Variants in GALNTL6 observed in about 807,000 individuals in gnomAD.
The protein encoded by GALNTL6 is polypeptide N-acetylgalactosaminyltransferase-like 6.
Under a neutral mutation model 73.7 loss-of-function variants are expected in GALNTL6, and 46 were observed. The ratio of observed to expected loss-of-function variants is 0.62; its 90% CI spans 0.49 to 0.80. The LOEUF (loss-of-function observed/expected upper bound fraction) is 0.80, where lower values mean the gene tolerates loss of function less well. Ranked by LOEUF, GALNTL6 falls within the 30% of genes least tolerant of loss-of-function variation. The pLI, the probability that GALNTL6 is intolerant of heterozygous loss-of-function variation, is 0.00. For missense variants in GALNTL6, 604 were observed against 755.0 expected, an observed-to-expected ratio of 0.80 and a Z score of 2.34; for synonymous variants, 259 against 263.7, an observed-to-expected ratio of 0.98 and a Z score of 0.17.
chr4:172,595,259 A>G (rs759886306), intron 5 of GALNTL6, among the ~76,000 whole-genome samples: 33 of 152,192 alleles, frequency 2.2e-4, no homozygotes, highest in Non-Finnish European at 4.1e-4. Context: ...AAAATATTAC[A>G]AGGAGAGTGC....
intron 2 of GALNTL6, among the ~76,000 whole-genome samples, chr4:172,029,366 A>T (rs1261537557): frequency 6.6e-6 from 1 of 152,102 alleles, no homozygotes; most frequent in African/African-American, 2.4e-5. Flanking sequence ...AGGTTAAATG[A>T]AATATACAAT....
chr4:171,940,796 C>T (rs1738510433), intron 2 of GALNTL6, among the ~76,000 whole-genome samples: 2 of 147,934 alleles, frequency 1.4e-5, no homozygotes, highest in South Asian at 2.1e-4. Context: ...CCAGACTGGA[C>T]GACAGAGCAA....
chr4:172,683,408 GA>G (rs1732739577), intron 5 of GALNTL6, among the ~76,000 whole-genome samples: 2 of 152,160 alleles, frequency 1.3e-5, no homozygotes, highest in Non-Finnish European at 2.9e-5. Context: ...TTGGTCACTG[GA>G]AATATATGCA....
At chr4:171,962,086 C>G (rs1282951443) in intron 2 of GALNTL6, among the ~76,000 whole-genome samples, 4 of 152,166 alleles carry the variant, frequency 2.6e-5, no homozygotes, top group Non-Finnish European at 1.5e-5. Flanking sequence ...GAGTTCCTCT[C>G]TACTGTGAAT....
intron 8 of GALNTL6, among the ~76,000 whole-genome samples, chr4:172,904,709 A>C (rs935168916): frequency 6.6e-6 from 1 of 151,840 alleles, no homozygotes; most frequent in African/African-American, 2.4e-5. Flanking sequence ...TATTTTTCTC[A>C]TCTCCCAGGC....
intron 2 of GALNTL6, among the ~76,000 whole-genome samples, chr4:172,167,834 C>G (rs1001877987): frequency 2.5e-4 from 37 of 148,764 alleles, no homozygotes; most frequent in Admixed American, 4.0e-4. Context: ...TGGCGGGCGC[C>G]TGTAGTCCCA....
At chr4:172,108,535 G>A (rs1236467941) in intron 2 of GALNTL6, among the ~76,000 whole-genome samples, 2 of 151,996 alleles carry the variant, frequency 1.3e-5, no homozygotes, top group Non-Finnish European at 2.9e-5. Flanking sequence ...AATTTATTGG[G>A]TGAGTAAAGC....
intron 10 of GALNTL6, among the ~76,000 whole-genome samples, chr4:172,959,903 T>C (rs957923016): frequency 6.6e-6 from 1 of 152,186 alleles, no homozygotes; most frequent in Non-Finnish European, 1.5e-5. Context: ...GAAGTTCTTG[T>C]GTGCTGGAGA....
At chr4:172,499,576 A>G (rs1253453418) in intron 5 of GALNTL6, among the ~76,000 whole-genome samples, 3 of 152,258 alleles carry the variant, frequency 2.0e-5, no homozygotes, top group Non-Finnish European at 2.9e-5. Flanking sequence ...AAAGTTACTC[A>G]TCATACCATA....
chr4:172,308,773 G>C (rs192748561), intron 3 of GALNTL6, among the ~76,000 whole-genome samples: 1 of 152,110 alleles, frequency 6.6e-6, no homozygotes, highest in Non-Finnish European at 1.5e-5. Context: ...GATTTATGTC[G>C]TTTAAACATT....
chr4:172,213,155 G>A (rs972232836), intron 2 of GALNTL6, among the ~76,000 whole-genome samples: 3 of 151,392 alleles, frequency 2.0e-5, no homozygotes, highest in East Asian at 1.9e-4. Flanking sequence ...ATATTCCATT[G>A]TATAGATGTT....
At chr4:172,256,088 C>A (rs192877263) in intron 3 of GALNTL6, among the ~76,000 whole-genome samples, 107 of 151,438 alleles carry the variant, frequency 7.1e-4, no homozygotes, top group Admixed American at 1.9e-3. Flanking sequence ...ATATGTTATG[C>A]GCATTTAAAT....
intron 5 of GALNTL6, among the ~76,000 whole-genome samples, chr4:172,663,029 A>G (rs2111184053): frequency 6.6e-6 from 1 of 152,278 alleles, no homozygotes; most frequent in African/African-American, 2.4e-5. Flanking sequence ...GGAGACAAGA[A>G]AAAGCTTGGC....
At chr4:171,906,706 G>A (rs1325669499) in intron 2 of GALNTL6, among the ~76,000 whole-genome samples, 1 of 152,152 alleles carries the variant, frequency 6.6e-6, no homozygotes, top group African/African-American at 2.4e-5. Flanking sequence ...GAGAATTTTA[G>A]ACCAATATCC....
intron 2 of GALNTL6, among the ~76,000 whole-genome samples, chr4:172,093,713 C>T (rs1383180927): frequency 2.6e-5 from 4 of 152,186 alleles, no homozygotes; most frequent in African/African-American, 9.6e-5. Context: ...GTGAACTGCA[C>T]ATGCGAAGAA....
At chr4:172,810,418 T>C (rs1262191214) in intron 6 of GALNTL6, among the ~76,000 whole-genome samples, 2 of 152,160 alleles carry the variant, frequency 1.3e-5, no homozygotes, top group South Asian at 2.1e-4. Flanking sequence ...GTGCACACAG[T>C]GTGTTCTCCT....
chr4:172,567,558 G>A (rs746013429), intron 5 of GALNTL6, among the ~76,000 whole-genome samples: 2 of 152,092 alleles, frequency 1.3e-5, no homozygotes, highest in African/African-American at 2.4e-5. Context: ...CTTGTTGGCC[G>A]GGTGTGGTAG....
At chr4:172,858,537 CT>C (rs1477679958) in intron 7 of GALNTL6, among the ~76,000 whole-genome samples, 1 of 152,086 alleles carries the variant, frequency 6.6e-6, no homozygotes, top group African/African-American at 2.4e-5. Context: ...CAAAGAAAAA[CT>C]TTGGCTGCTG....
intron 5 of GALNTL6, among the ~76,000 whole-genome samples, chr4:172,689,654 A>T (rs1474403271): frequency 1.3e-5 from 2 of 152,150 alleles, no homozygotes. Flanking sequence ...TCTGTGGGGT[A>T]TGTGCCCAGT....
Sources: gnomAD v4.1 joint callset for allele counts (sites outside exome capture counted in the v4.1 genomes callset) on GRCh38, gnomAD v4.1.1 for gene constraint, MANE v1.5 for transcripts, NCBI Gene and HGNC (gene_info 2026-07-23, HGNC 2026-07-21) for gene names.